The following TOP1MT variants were observed in gnomAD, a reference collection of about 807,000 sequenced individuals.
TOP1MT encodes DNA topoisomerase I mitochondrial, also known as DNA topoisomerase I, mitochondrial.
Under a neutral mutation model 73.9 loss-of-function variants are expected in TOP1MT, and 80 were observed. The ratio of observed to expected loss-of-function variants is 1.08; its 90% CI spans 0.90 to 1.30. The LOEUF is 1.30. TOP1MT is among the 50% of genes most tolerant of loss of function. The pLI is 0.00. For synonymous variants in TOP1MT, 338 were observed against 326.4 expected, an observed-to-expected ratio of 1.04 and a Z score of -0.38; for missense variants, 815 against 808.0, an observed-to-expected ratio of 1.01 and a Z score of -0.10.
rs902630053 is a variant in TOP1MT, at chr8:143,310,180, G to A, written c.1591C>T (p.Gln531Ter). 1 of 1,602,154 alleles carries A rather than the reference G, an allele frequency of 6.2e-7. No homozygotes were observed. The highest frequency in any genetic ancestry group is 8.5e-7 in the Non-Finnish European group (1 of 1,174,416). ...ACACTCAGCTGCGCCAGCTGCTCCT[G>A]CAGCTTCTCCAGGAGCCGCCTCTTC... ...EKKRRLLEKL[Q>*]EQLAQLSVQA... Residue 531 changes from glutamine (Q) to a stop codon, truncating the protein, a stop_gained, in exon 13 of 14, where the codon CAG (glutamine) becomes TAG (stop). Transcript: ENST00000329245. LOFTEE classifies it high-confidence loss of function.
At chr8:143,322,752 CACGCCA>C (rs1563760103) in intron 7 of TOP1MT, among the ~76,000 whole-genome samples, 1 of 32,826 alleles carries the variant, frequency 3.0e-5, no homozygotes, top group African/African-American at 1.7e-4. Flanking sequence ...CACACGCACG[CACGCCA>C]CACACGCACG....
chr8:143,322,115 C>T (rs184091526), intron 7 of TOP1MT, among the ~76,000 whole-genome samples: 18 of 102,372 alleles, frequency 1.8e-4, no homozygotes, highest in East Asian at 1.2e-3. Context: ...CACACATGCA[C>T]GCCACACACA....
intron 8 of TOP1MT, 141 bp from the exon 9 acceptor site, chr8:143,318,227 G>A (rs564108601): frequency 4.5e-5 from 31 of 683,424 alleles, no homozygotes; most frequent in South Asian, 3.1e-4. Context: ...GTCACCTGTC[G>A]GCATCCTCCC....
chr8:143,318,118 G>T, intron 8 of TOP1MT, 32 bp from the exon 9 acceptor site: 1 of 1,604,838 alleles, frequency 6.2e-7, no homozygotes, highest in South Asian at 1.1e-5. Flanking sequence ...TCAGAGGACA[G>T]AAAAAACCCG....
intron 2 of TOP1MT, among the ~76,000 whole-genome samples, chr8:143,342,866 C>T (rs183280388): frequency 1.3e-5 from 2 of 150,456 alleles, no homozygotes; most frequent in Admixed American, 6.6e-5. Flanking sequence ...CTCACTGCAA[C>T]CTCTGCCTCC....
In TOP1MT at chr8:143,341,773, G is replaced by A. The variant is rs563862201; in HGVS notation, c.29+1447C>T. 1.4e-4 allele frequency among the ~76,000 whole-genome samples: 21 copies of A among 152,264 alleles called. No homozygotes were observed. The highest frequency in any genetic ancestry group is 5.1e-4 in the African/African-American group (21 of 41,548). On this transcript the variant is annotated intron_variant, in intron 2 of 5. Transcript: ENST00000518007. This position sits in a 1 kb window ranked among gnomAD's most constrained non-coding sequence, Gnocchi z 4.1. ...AGACACAAAACACCAGAAAGGGAAG[G>A]TCACAGAGCACTATCCCGACACCAC...
At position 143,321,353 on chromosome 8, in the gene TOP1MT, C is replaced by T. The variant is rs373652451; in HGVS notation, c.994G>A (p.Gly332Ser). ...CAGCCCACGGTGTCGGCCGCCTCAC[C>T]GTCCTCCTTCTCATTTCCTGCTCTC... ...ALRAGNEKEDGEAADTVGCCS... is the reference protein window; with the variant it reads ...ALRAGNEKEDSEAADTVGCCS... The change falls in exon 8 of 14, where the codon GGT (glycine) becomes AGT (serine). Residue 332 changes from glycine to serine, a missense_variant. Gly to Ser is a moderately conservative substitution (Grantham distance 56). Around this residue, in one of 3 missense-constraint regions of TOP1MT, gnomAD observed 751 missense variants for 725.4 expected, o/e 1.04. Coordinates refer to ENST00000329245, the MANE Select transcript of TOP1MT (RefSeq NM_052963.3). 64 of 1,595,202 alleles carry T rather than the reference C, an allele frequency of 4.0e-5. No homozygotes were observed. The highest frequency in any genetic ancestry group is 3.0e-4 in the South Asian group (27 of 90,284).
intron 10 of TOP1MT, among the ~76,000 whole-genome samples, chr8:143,316,816 A>G (rs57175951): frequency 0.022 from 3,364 of 152,268 alleles, 124 homozygotes; most frequent in African/African-American, 0.078. Flanking sequence ...CTCTGGAAGC[A>G]CGTCCACAGT....
intron 12 of TOP1MT, among the ~76,000 whole-genome samples, chr8:143,311,513 C>T (rs899052271): frequency 5.9e-5 from 9 of 152,048 alleles, no homozygotes; most frequent in Admixed American, 1.3e-4. Context: ...TGTGGGAGGC[C>T]GAGGCGGGTG....
intron 8 of TOP1MT, among the ~76,000 whole-genome samples, chr8:143,318,661 G>A (rs1456085479): frequency 5.3e-5 from 8 of 152,170 alleles, no homozygotes; most frequent in Non-Finnish European, 1.2e-4. Context: ...GCTCCAGGGC[G>A]GAGGTTGCTG....
At chr8:143,321,177 G>A in intron 8 of TOP1MT, 24 bp downstream of exon 8, 1 of 1,554,464 alleles carries the variant, frequency 6.4e-7, no homozygotes. Flanking sequence ...ACATAGCGGG[G>A]GCAGCTGGCG....
rs200437445 is a variant in TOP1MT, at chr8:143,324,565, C to T, written c.736G>A (p.Val246Ile). 6.8e-6 allele frequency: 11 copies of T among 1,613,810 alleles called. No homozygotes were observed. The highest frequency in any genetic ancestry group is 2.2e-5 in the East Asian group (1 of 44,890). ...QWKEVRSDNT[V>I]TWLAAWTESV... ...TCGGTCCAAGCTGCCAGCCACGTGACGGTGTTATCGGAGCGCACCTCCTTC... is the reference window on the plus strand; with the variant it reads ...TCGGTCCAAGCTGCCAGCCACGTGATGGTGTTATCGGAGCGCACCTCCTTC... The change falls in exon 6 of 14, where the codon GTC (valine) becomes ATC (isoleucine). Residue 246 changes from valine to isoleucine, a missense_variant. By Grantham distance (29) the Val-to-Ile change is conservative. Transcript: ENST00000329245.
At chr8:143,335,300 C>T (rs1816963492), upstream of TOP1MT, among the ~76,000 whole-genome samples, 1 of 152,212 alleles carries the variant, frequency 6.6e-6, no homozygotes, top group Non-Finnish European at 1.5e-5. Flanking sequence ...CACACAGGCT[C>T]AGATGGCCCC....
At chr8:143,340,516 C>A (rs560026542) in intron 2 of TOP1MT, among the ~76,000 whole-genome samples, 2 of 152,106 alleles carry the variant, frequency 1.3e-5, no homozygotes, top group African/African-American at 4.8e-5. Context: ...CAACTGGCTC[C>A]CCCTCCTTCC....
intron 2 of TOP1MT, among the ~76,000 whole-genome samples, chr8:143,342,951 G>A (rs562597652): frequency 7.2e-5 from 11 of 152,002 alleles, no homozygotes; most frequent in Non-Finnish European, 1.0e-4. Context: ...AGTAGAGAGG[G>A]GGTTTCATCA....
upstream of TOP1MT, chr8:143,335,004 A>C (rs981567577): frequency 1.1e-6 from 1 of 877,134 alleles, no homozygotes; most frequent in Non-Finnish European, 1.4e-6. Flanking sequence ...CTAAGCCTGC[A>C]CGGGGCTGCG....
At chr8:143,347,723 GCCA>G (rs1817252015), upstream of TOP1MT, among the ~76,000 whole-genome samples, 2 of 151,464 alleles carry the variant, frequency 1.3e-5, no homozygotes, top group African/African-American at 2.5e-5. Flanking sequence ...CAGCCAGCCA[GCCA>G]GCCAGCGGGG....
At chr8:143,324,334 T>TG (rs1816644847) in intron 6 of TOP1MT, 151 bp downstream of exon 6, 1 of 1,358,058 alleles carries the variant, frequency 7.4e-7, no homozygotes, top group Non-Finnish European at 1.0e-6. Context: ...TTGGGGCTTG[T>TG]GCCTGCTGGC....
chr8:143,322,078 A>ACACACAGGCATGCCAAACACGCACGC (rs1816433444), intron 7 of TOP1MT, among the ~76,000 whole-genome samples: 1 of 49,440 alleles, frequency 2.0e-5, no homozygotes, highest in Non-Finnish European at 5.4e-5. Context: ...CACGCACGCC[A>ACACACAGGCATGCCAAACACGCACGC]CACACAGGCA....
Sources: allele counts gnomAD v4.1 joint callset (sites outside exome capture counted in the v4.1 genomes callset), GRCh38; gene constraint gnomAD v4.1.1; regional missense constraint gnomAD v4.1.1; non-coding constraint Gnocchi (gnomAD v3.1); transcripts MANE v1.5; gene names NCBI Gene and HGNC (gene_info 2026-07-23, HGNC 2026-07-21).